Variants in ARVCF observed in about 807,000 individuals in gnomAD.
ARVCF encodes ARVCF delta catenin family member.
In ARVCF, 66 loss-of-function variants were observed where a neutral mutation model predicts 90.9. The ratio of observed to expected loss-of-function variants is 0.73; its 90% CI spans 0.60 to 0.89. The LOEUF is 0.89. Among genes scored for constraint, ARVCF ranks in the 40% least tolerant of loss-of-function variants. The probability of loss-of-function intolerance (pLI) is 0.00; values close to 1 mark genes in which losing one functional copy is unlikely to be tolerated. For synonymous variants in ARVCF, 653 were observed against 603.4 expected, an observed-to-expected ratio of 1.08 and a Z score of -1.21; for missense variants, 1,469 against 1,382.3, an observed-to-expected ratio of 1.06 and a Z score of -1.00.
At chr22:19,982,823 C>G (rs1196434051) in intron 3 of ARVCF, among the ~76,000 whole-genome samples, 1 of 152,218 alleles carries the variant, frequency 6.6e-6, no homozygotes, top group Non-Finnish European at 1.5e-5. Context: ...GACTGAGACT[C>G]TGGGCATCAT....
Position 20,002,400 on chromosome 22 carries a change from C to T in ARVCF, c.-19+8055G>A, listed in dbSNP as rs138419002. Among the ~76,000 whole-genome samples, 6 of 152,296 alleles carry T rather than the reference C, an allele frequency of 3.9e-5. No homozygotes were observed. The East Asian group carries it at 9.7e-4, about 25-fold the overall frequency. ...AATGTCAGCCTCAACACGCTGCTGC[C>T]TGCTGCCTGGCTCCCGTCTCTCACA... On this transcript the variant is annotated intron_variant, in intron 2 of 19. Coordinates refer to ENST00000263207, the MANE Select transcript of ARVCF (RefSeq NM_001670.3).
At chr22:19,984,815 C>T (rs975789946) in intron 3 of ARVCF, among the ~76,000 whole-genome samples, 1 of 152,230 alleles carries the variant, frequency 6.6e-6, no homozygotes, top group Non-Finnish European at 1.5e-5. Context: ...ACAGGGGCCA[C>T]CAACTCTGCC....
chr22:19,995,158 G>C (rs1476192796), intron 2 of ARVCF, among the ~76,000 whole-genome samples: 1 of 152,068 alleles, frequency 6.6e-6, no homozygotes, highest in East Asian at 1.9e-4. Context: ...GTGAACAAGT[G>C]TGTGGACAGG....
At chr22:19,979,160 G>T in intron 6 of ARVCF, 80 bp from the exon 7 acceptor site, 1 of 1,452,242 alleles carries the variant, frequency 6.9e-7, no homozygotes, top group Non-Finnish European at 9.4e-7. Flanking sequence ...CTCAGGACCT[G>T]TCCCACTCTC....
At chr22:19,968,788 G>C, downstream of ARVCF, 1 of 1,542,880 alleles carries the variant, frequency 6.5e-7, no homozygotes, top group Non-Finnish European at 8.8e-7. Context: ...GGTACTGAAG[G>C]TGCCAGACGT....
chr22:20,013,144 A>G (rs1944897342), intron 1 of ARVCF, among the ~76,000 whole-genome samples: 1 of 152,272 alleles, frequency 6.6e-6, no homozygotes. Context: ...GGGAAGGTCC[A>G]TGCTGCTCAA....
intron 1 of ARVCF, among the ~76,000 whole-genome samples, chr22:20,012,089 C>CCT (rs1555954557): frequency 6.9e-6 from 1 of 144,120 alleles, no homozygotes; most frequent in African/African-American, 2.5e-5. Flanking sequence ...TCCCCCCCCC[C>CCT]CACCCAGTTG....
chr22:19,978,275 G>A (rs1459755895), intron 7 of ARVCF, among the ~76,000 whole-genome samples, 200 bp from the exon 8 acceptor site: 2 of 152,196 alleles, frequency 1.3e-5, no homozygotes, highest in Non-Finnish European at 2.9e-5. Flanking sequence ...GGGAGCCCTG[G>A]CAGACAACTA....
chr22:19,976,381 C>T (rs915543989), intron 10 of ARVCF, among the ~76,000 whole-genome samples: 13 of 152,296 alleles, frequency 8.5e-5, no homozygotes, highest in African/African-American at 2.2e-4. Context: ...GGTCCCTGCC[C>T]TGCTCACCCT....
Position 19,990,655 on chromosome 22 carries a change from G to A in ARVCF, c.140C>T (p.Pro47Leu), listed in dbSNP as rs1943992023. ...GCCCATGCCACCACTGACCATGCCA[G>A]GCTGCTGGGCACGCTCCAGCTGTAG... ...VALQLERAQQPGMVSGGMGSG... is the reference protein window; with the variant it reads ...VALQLERAQQLGMVSGGMGSG... The change falls in exon 3 of 20, where the codon CCT (proline) becomes CTT (leucine). Residue 47 changes from proline (P) to leucine (L), a missense_variant. Pro to Leu is a moderately conservative substitution (Grantham distance 98). Transcript: ENST00000263207. 1.2e-6 allele frequency: 2 copies of A among 1,608,984 alleles called. No individual in the cohort carries two copies. Among genetic ancestry groups the A allele is most frequent in the Non-Finnish European group, 8.5e-7 (1 of 1,178,394 alleles).
At chr22:19,981,809 G>C in intron 4 of ARVCF, 72 bp from the exon 5 acceptor site, 1 of 1,548,820 alleles carries the variant, frequency 6.5e-7, no homozygotes, top group Non-Finnish European at 8.7e-7. Context: ...GGTCTGGCTG[G>C]CCTTAATTTC....
At chr22:19,973,396 G>A in intron 13 of ARVCF, 79 bp from the exon 14 acceptor site, 6 of 1,480,116 alleles carry the variant, frequency 4.1e-6, no homozygotes, top group Non-Finnish European at 4.5e-6. Flanking sequence ...CGAGGGCGAG[G>A]GGCACTGCCA....
chr22:19,973,738 A>C lies in ARVCF; in HGVS notation c.2144T>G (p.Val715Gly). 3.7e-6 allele frequency: 6 copies of C among 1,609,214 alleles called. No homozygotes were observed. The highest frequency in any genetic ancestry group is 5.1e-6 in the Non-Finnish European group (6 of 1,179,934). ...VRKERGLPVLVELLQSETDKV... is the reference protein window; with the variant it reads ...VRKERGLPVLGELLQSETDKV... ...GTCGGTCTCAGACTGCAGCAGTTCC[A>C]CAAGCACCGGCAGCCCGCGCTCTTT... Residue 715 changes from valine to glycine, a missense_variant, in exon 13 of 20, where the codon GTG becomes GGG. Coordinates refer to ENST00000263207, the MANE Select transcript of ARVCF (RefSeq NM_001670.3).
At chr22:19,996,799 C>T (rs541216323) in intron 2 of ARVCF, among the ~76,000 whole-genome samples, 2 of 152,056 alleles carry the variant, frequency 1.3e-5, no homozygotes, top group South Asian at 2.1e-4. Flanking sequence ...GGGGCCAGGG[C>T]GGTGCCCACT....
downstream of ARVCF, chr22:19,967,203 T>G (rs1285314317): frequency 7.7e-6 from 10 of 1,304,768 alleles, no homozygotes; most frequent in African/African-American, 1.5e-5. Context: ...TGACGTCTTC[T>G]GTATCCCTGA....
chr22:19,978,131 C>T, intron 7 of ARVCF, 56 bp from the exon 8 acceptor site: 2 of 1,504,174 alleles, frequency 1.3e-6, no homozygotes, highest in Non-Finnish European at 1.8e-6. Context: ...TCCCTGGCTC[C>T]ACCCTGGCCT....
intron 16 of ARVCF, 116 bp downstream of exon 16, chr22:19,972,620 GC>G (rs1942881400): frequency 2.5e-6 from 3 of 1,216,918 alleles, no homozygotes; most frequent in African/African-American, 3.1e-5. Context: ...AGGGAAAGTG[GC>G]CTATGGAAGC....
chr22:19,984,715 G>A (rs2146338776), intron 3 of ARVCF, among the ~76,000 whole-genome samples: 1 of 152,316 alleles, frequency 6.6e-6, no homozygotes, highest in Middle Eastern at 3.4e-3. Context: ...GTTCCCAGAG[G>A]CACACTCGTG....
Position 19,980,195 on chromosome 22 carries a change from C to T in ARVCF, c.944G>A (p.Arg315Gln), listed in dbSNP as rs759802785. The change falls in exon 6 of 20, where the codon CGG becomes CAG. Residue 315 changes from arginine to glutamine, a missense_variant. Transcript: ENST00000263207. ...CGCCGTCACCATTGGGAACGCAGGC[C>T]GCTCGTCCGCCAGCTCGCCGCCATC... ...ADDGGELADE[R>Q]PAFPMVTAPL... The T allele has an allele frequency of 7.1e-6, 11 of 1,553,688 alleles. No individual in the cohort carries two copies. Among genetic ancestry groups the T allele is most frequent in the Non-Finnish European group, 9.6e-6 (11 of 1,151,166 alleles).
Sources: allele counts gnomAD v4.1 joint callset (sites outside exome capture counted in the v4.1 genomes callset), GRCh38; gene constraint gnomAD v4.1.1; transcripts MANE v1.5; gene names NCBI Gene and HGNC (gene_info 2026-07-23, HGNC 2026-07-21).